Variants in SCFD2 observed in about 807,000 individuals in gnomAD.
The protein encoded by SCFD2 is sec1 family domain-containing protein 2.
A neutral mutation model predicts 58.9 loss-of-function variants in SCFD2; 54 were observed. The observed-to-expected ratio is 0.92, with a 90% CI of 0.74 to 1.15. SCFD2 has a LOEUF of 1.15. Among genes scored for constraint, SCFD2 ranks in the 50% most tolerant of loss-of-function variants. The probability of loss-of-function intolerance (pLI) is 0.00; values close to 1 mark genes in which losing one functional copy is unlikely to be tolerated. For synonymous variants in SCFD2, 321 were observed against 335.9 expected (o/e 0.96, Z 0.49); for missense variants, 805 against 836.6 (o/e 0.96, Z 0.47).
intron 2 of SCFD2, among the ~76,000 whole-genome samples, chr4:53,330,407 C>A (rs184220792): frequency 6.6e-4 from 100 of 152,202 alleles, no homozygotes; most frequent in African/African-American, 2.4e-3. Flanking sequence ...TCAGCAGAAA[C>A]CCTACAAGCC....
chr4:52,990,529 C>G (rs1416322371), intron 5 of SCFD2, among the ~76,000 whole-genome samples: 1 of 152,180 alleles, frequency 6.6e-6, no homozygotes, highest in Non-Finnish European at 1.5e-5. Flanking sequence ...TGGAGGCTAG[C>G]ATTATTCCCA....
chr4:52,904,164 C>A (rs942250718), intron 7 of SCFD2, among the ~76,000 whole-genome samples: 1 of 152,204 alleles, frequency 6.6e-6, no homozygotes, highest in African/African-American at 2.4e-5. Context: ...CCTGAGCCAA[C>A]ATCATCACGA....
intron 5 of SCFD2, among the ~76,000 whole-genome samples, chr4:52,983,812 G>A (rs1459987424): frequency 6.6e-6 from 1 of 152,074 alleles, no homozygotes; most frequent in Non-Finnish European, 1.5e-5. Flanking sequence ...TTCTCGTGTT[G>A]GTTTCATTAC....
chr4:52,970,543 C>T (rs1425175628), intron 5 of SCFD2, among the ~76,000 whole-genome samples: 1 of 152,214 alleles, frequency 6.6e-6, no homozygotes, highest in Non-Finnish European at 1.5e-5. Flanking sequence ...GTAAAGCCCA[C>T]TGAAGCTCAA....
At chr4:53,326,386 A>AC (rs1254736889) in intron 2 of SCFD2, among the ~76,000 whole-genome samples, 2 of 152,102 alleles carry the variant, frequency 1.3e-5, no homozygotes, top group African/African-American at 4.8e-5. Context: ...CAAGTGATCC[A>AC]CCTGCCTCAG....
intron 2 of SCFD2, among the ~76,000 whole-genome samples, chr4:53,322,307 A>G (rs1733048607): frequency 6.6e-6 from 1 of 152,190 alleles, no homozygotes; most frequent in South Asian, 2.1e-4. Context: ...ACTGCTCATT[A>G]TACACGAATT....
chr4:53,136,004 T>C (rs1725925599), intron 5 of SCFD2, among the ~76,000 whole-genome samples: 1 of 152,144 alleles, frequency 6.6e-6, no homozygotes, highest in Non-Finnish European at 1.5e-5. Context: ...AATTGAAAAA[T>C]GGGAAAAAAT....
At chr4:53,323,046 A>G (rs1397886886) in intron 2 of SCFD2, among the ~76,000 whole-genome samples, 3 of 152,268 alleles carry the variant, frequency 2.0e-5, no homozygotes, top group Admixed American at 6.5e-5. Flanking sequence ...CAATGATTAT[A>G]CAGTGACTCC....
chr4:53,344,615 G>A (rs1733998243), intron 2 of SCFD2, among the ~76,000 whole-genome samples: 2 of 152,074 alleles, frequency 1.3e-5, no homozygotes, highest in Admixed American at 1.3e-4. Context: ...AGTTCATATG[G>A]AACCAAAAAA....
At chr4:53,133,329 A>C (rs1725848645) in intron 5 of SCFD2, among the ~76,000 whole-genome samples, 1 of 7,330 alleles carries the variant, frequency 1.4e-4, no homozygotes, top group Non-Finnish European at 1.1e-3. Flanking sequence ...CTCCGTCTCA[A>C]AAAAAAAAAA....
intron 5 of SCFD2, among the ~76,000 whole-genome samples, chr4:52,978,163 G>A (rs1314962977): frequency 6.6e-6 from 1 of 152,170 alleles, no homozygotes; most frequent in Non-Finnish European, 1.5e-5. Flanking sequence ...AGGGCAGCAG[G>A]GTAAGCAAAC....
At chr4:53,132,796 A>T (rs933648390) in intron 5 of SCFD2, among the ~76,000 whole-genome samples, 1 of 152,222 alleles carries the variant, frequency 6.6e-6, no homozygotes, top group African/African-American at 2.4e-5. Context: ...CCTTGTCACC[A>T]CCAAGCCAGC....
At chr4:52,953,466 G>A (rs766702226) in intron 5 of SCFD2, among the ~76,000 whole-genome samples, 24 of 152,250 alleles carry the variant, frequency 1.6e-4, no homozygotes, top group South Asian at 8.3e-4. Context: ...GAATATTCCC[G>A]ATCTAGGAAT....
At chr4:52,913,390 C>G (rs1249218195) in intron 6 of SCFD2, among the ~76,000 whole-genome samples, 1 of 152,144 alleles carries the variant, frequency 6.6e-6, no homozygotes, top group African/African-American at 2.4e-5. Flanking sequence ...CCTAGGATCA[C>G]AAACCCTATT....
At chr4:53,213,659 CATTT>C (rs1418485991) in intron 4 of SCFD2, among the ~76,000 whole-genome samples, 2 of 151,878 alleles carry the variant, frequency 1.3e-5, no homozygotes, top group South Asian at 2.1e-4. Context: ...ACGGTTCTTT[CATTT>C]ATTTATTTTT....
intron 2 of SCFD2, among the ~76,000 whole-genome samples, chr4:53,342,306 T>A (rs887218655): frequency 1.3e-5 from 2 of 152,032 alleles, no homozygotes; most frequent in African/African-American, 2.4e-5. Flanking sequence ...GCAGTTGCAA[T>A]CCTAGTCTTG....
chr4:53,226,764 A>T (rs1457420254), intron 4 of SCFD2, among the ~76,000 whole-genome samples: 3 of 152,280 alleles, frequency 2.0e-5, no homozygotes, highest in East Asian at 3.9e-4. Context: ...GCTTACTTGG[A>T]CTTGAAGGAT....
At chr4:53,309,433 A>T (rs1235588823) in intron 3 of SCFD2, among the ~76,000 whole-genome samples, 1 of 152,216 alleles carries the variant, frequency 6.6e-6, no homozygotes, top group African/African-American at 2.4e-5. Context: ...AGTGGATCAG[A>T]TTATCATCTA....
chr4:53,124,788 CTT>C (rs1469394195), intron 5 of SCFD2, among the ~76,000 whole-genome samples: 1 of 152,172 alleles, frequency 6.6e-6, no homozygotes, highest in African/African-American at 2.4e-5. Context: ...TGTCAAAACT[CTT>C]TGTTCATTCC....
Sources: gnomAD v4.1 joint callset for allele counts (sites outside exome capture counted in the v4.1 genomes callset) on GRCh38, gnomAD v4.1.1 for gene constraint, MANE v1.5 for transcripts, NCBI Gene and HGNC (gene_info 2026-07-23, HGNC 2026-07-21) for gene names.